The following TOX3 variants were observed in gnomAD, a reference collection of about 807,000 sequenced individuals.
TOX3 encodes the protein TOX high mobility group box family member 3.
In TOX3, 22 loss-of-function variants were observed where a neutral mutation model predicts 64.3. That is an observed-to-expected ratio of 0.34 (90% CI 0.24 to 0.49). The LOEUF (loss-of-function observed/expected upper bound fraction) is 0.49. TOX3 is among the 20% of genes least tolerant of loss of function. The pLI is 0.99. For synonymous variants in TOX3, 291 were observed against 273.6 expected (o/e 1.06, Z -0.63); for missense variants, 661 against 714.4 (o/e 0.93, Z 0.85).
chr16:52,481,691 A>G (rs547914184), intron 1 of TOX3, among the ~76,000 whole-genome samples: 7 of 152,362 alleles, frequency 4.6e-5, no homozygotes, highest in Admixed American at 4.6e-4. Context: ...CTGGCTTTAG[A>G]AACATGTCAG....
At chr16:52,471,845 A>C (rs764932019) in intron 1 of TOX3, among the ~76,000 whole-genome samples, 1 of 152,202 alleles carries the variant, frequency 6.6e-6, no homozygotes, top group African/African-American at 2.4e-5. Flanking sequence ...TCCCTATTTT[A>C]TGGATCAGTA....
upstream of TOX3, chr16:52,547,480 CCCT>C (rs1422028853): frequency 6.5e-6 from 1 of 152,954 alleles, no homozygotes; most frequent in East Asian, 1.9e-4. Flanking sequence ...GTGTGTCCCA[CCCT>C]CCTCCTGCGC....
Position 52,438,205 on chromosome 16 carries a change from A to C in TOX3, c.*1020T>G, listed in dbSNP as rs1021825633. The C allele has an allele frequency of 2.6e-5, 4 of 152,644 alleles. No individual in the cohort carries two copies. The highest frequency in any genetic ancestry group is 4.4e-5 in the Non-Finnish European group (3 of 68,030). The allele number at this position is 152,644 out of a possible 1,614,324, so 9.5% of individuals were successfully genotyped here. ...GTATAAAACAGCATAAAAACACAAT[A>C]AGCAACGTAGCAATGAATGGTTTAT... On this transcript the variant is annotated 3_prime_UTR_variant, in exon 7 of 7. Coordinates refer to ENST00000219746, the MANE Select transcript of TOX3 (RefSeq NM_001080430.4).
intron 1 of TOX3, among the ~76,000 whole-genome samples, chr16:52,522,629 G>C (rs948023217): frequency 6.6e-6 from 1 of 152,126 alleles, no homozygotes; most frequent in African/African-American, 2.4e-5. Flanking sequence ...GCAGGACAGG[G>C]TGACAGCTGT....
intron 1 of TOX3, among the ~76,000 whole-genome samples, chr16:52,477,836 G>A (rs1239840891): frequency 2.0e-5 from 3 of 152,110 alleles, no homozygotes; most frequent in Non-Finnish European, 2.9e-5. Flanking sequence ...TTCTTTTTCA[G>A]AAATGTTTAA....
At chr16:52,526,767 T>C (rs1472204846) in intron 1 of TOX3, among the ~76,000 whole-genome samples, 1 of 152,192 alleles carries the variant, frequency 6.6e-6, no homozygotes, top group Admixed American at 6.5e-5. Context: ...ATTTTCTGTT[T>C]GGGAAAAGCT....
rs1474250840 is a variant in TOX3 at position 52,437,949 on chromosome 16, C to T, written c.*1276G>A. ...ATGGAAGATGATGTTTGGGCTAAAA[C>T]GAAACTTGGTATGTGGCATATTTCC... On this transcript the variant is annotated 3_prime_UTR_variant, in exon 7 of 7. Transcript: ENST00000219746. The T allele has an allele frequency of 2.6e-5, 4 of 152,362 alleles. No homozygotes were observed. The highest frequency in any genetic ancestry group is 1.9e-4 in the East Asian group (1 of 5,184). The allele number at this position is 152,362 out of a possible 1,614,324, so 9.4% of individuals were successfully genotyped here. A position where few individuals can be genotyped will look rare whatever the true frequency, so the allele number is the denominator to read the frequency against.
chr16:52,509,413 C>T (rs1962243334), intron 1 of TOX3, among the ~76,000 whole-genome samples: 1 of 152,192 alleles, frequency 6.6e-6, no homozygotes, highest in South Asian at 2.1e-4. Flanking sequence ...CAATTAATAA[C>T]TTGTACTTCA....
At chr16:52,444,910 A>G (rs1165374826) in intron 5 of TOX3, 2 of 152,238 alleles carry the variant, frequency 1.3e-5, no homozygotes, top group African/African-American at 2.4e-5. Context: ...AAATCATCCA[A>G]GCTAGGAGAT....
At position 52,536,674 on chromosome 16, in the gene TOX3, T is replaced by TAC. The variant is rs1430070323; in HGVS notation, c.87+9962_87+9963insGT. Among the ~76,000 whole-genome samples the TAC allele has an allele frequency of 2.2e-3, 202 of 89,880 alleles. 3 individuals are homozygous for TAC. The highest frequency in any genetic ancestry group is 0.015 in the East Asian group (44 of 2,846). 59.0% of individuals were successfully genotyped at this position (89,880 alleles called of 152,430 possible). On this transcript the variant is annotated intron_variant, in intron 1 of 6. Coordinates refer to ENST00000219746, the MANE Select transcript of TOX3 (RefSeq NM_001080430.4). The stretch of plus-strand genomic sequence containing the variant: ...ATATATATATATATATATATATATA[T>TAC]ATACATGTGTATATATAGAACAAGA...
chr16:52,440,463 C>T (rs115002334), intron 6 of TOX3, among the ~76,000 whole-genome samples: 128 of 152,302 alleles, frequency 8.4e-4, no homozygotes, highest in African/African-American at 3.0e-3. Context: ...AGGATAAATG[C>T]TCATCTTACA....
chr16:52,538,853 C>T (rs1424990416), intron 1 of TOX3, among the ~76,000 whole-genome samples: 1 of 152,056 alleles, frequency 6.6e-6, no homozygotes, highest in East Asian at 1.9e-4. Context: ...GGATACAAAC[C>T]TAGGAAACAA....
At position 52,454,253 on chromosome 16, in the gene TOX3, GATT is replaced by G. The variant is rs1960448688; in HGVS notation, c.409-3710_409-3708del. 4.0e-5 allele frequency among the ~76,000 whole-genome samples: 6 copies of G among 151,102 alleles called. No homozygotes were observed. In the South Asian group the frequency reaches 1.3e-3, roughly 32 times the overall value. ...AATATTTCATTACAAAAAAAAAAAA[GATT>G]ATTTTGCAGTGTGACAGTATGGAAA... On this transcript the variant is annotated intron_variant, in intron 3 of 6. Coordinates refer to ENST00000219746, the MANE Select transcript of TOX3 (RefSeq NM_001080430.4).
intron 1 of TOX3, among the ~76,000 whole-genome samples, chr16:52,485,764 C>A (rs76687606): frequency 0.06 from 9,099 of 152,092 alleles, 857 homozygotes; most frequent in African/African-American, 0.2. Context: ...GAGAGCATGA[C>A]CCCAGATGGT....
At chr16:52,488,946 G>A (rs1961601852) in intron 1 of TOX3, among the ~76,000 whole-genome samples, 1 of 152,146 alleles carries the variant, frequency 6.6e-6, no homozygotes, top group African/African-American at 2.4e-5. Flanking sequence ...CAGCAGCTCT[G>A]CCAAGCTTTC....
intron 4 of TOX3, 115 bp from the exon 5 acceptor site, chr16:52,446,336 G>T (rs1293966725): frequency 1.1e-5 from 12 of 1,073,102 alleles, no homozygotes; most frequent in South Asian, 1.7e-5. Context: ...ATCAACAGAT[G>T]AATCACCACC....
Position 52,460,993 on chromosome 16 carries a change from G to T in TOX3, c.408+2941C>A, listed in dbSNP as rs1960670946. 2.0e-5 allele frequency among the ~76,000 whole-genome samples: 3 copies of T among 152,094 alleles called. No individual in the cohort carries two copies. The South Asian group carries it at 6.2e-4, about 32-fold the overall frequency. ...CTTTCATTTATGACTGACCCAATAT[G>T]TCACAATAGCTGTCTAGTAAAAATA... On this transcript the variant is annotated intron_variant, in intron 3 of 6. Transcript: ENST00000219746.
chr16:52,522,048 C>T (rs1424252344), intron 1 of TOX3, among the ~76,000 whole-genome samples: 1 of 152,114 alleles, frequency 6.6e-6, no homozygotes, highest in Non-Finnish European at 1.5e-5. Flanking sequence ...CTTATAGAGT[C>T]GTGGAGGATT....
intron 1 of TOX3, among the ~76,000 whole-genome samples, chr16:52,487,036 A>G (rs1961551068): frequency 6.6e-6 from 1 of 152,204 alleles, no homozygotes; most frequent in East Asian, 1.9e-4. Context: ...TTATGCCCCT[A>G]GCATATAAAT....
Sources: gnomAD v4.1 joint callset for allele counts (sites outside exome capture counted in the v4.1 genomes callset) on GRCh38, gnomAD v4.1.1 for gene constraint, MANE v1.5 for transcripts, NCBI Gene and HGNC (gene_info 2026-07-23, HGNC 2026-07-21) for gene names.